The following DMD variants were observed in gnomAD, a reference collection of about 807,000 sequenced individuals.
DMD encodes mutant dystrophin.
A neutral mutation model predicts 330.1 loss-of-function variants in DMD; 63 were observed. The ratio of observed to expected loss-of-function variants is 0.19; its 90% CI spans 0.16 to 0.24. DMD has a LOEUF of 0.24. Among genes scored for constraint, DMD ranks in the 10% least tolerant of loss-of-function variants. DMD has a pLI of 1.00. For synonymous variants in DMD, 1,223 were observed against 959.8 expected (o/e 1.27, Z -5.07); for missense variants, 3,344 against 2,684.1 (o/e 1.25, Z -5.43).
chrX:32,489,456 A>T (rs2042787547), intron 20 of DMD, among the ~76,000 whole-genome samples: 1 of 111,165 alleles, frequency 9.0e-6, no homozygotes, highest in Non-Finnish European at 1.9e-5. Context: ...ATGTATACAC[A>T]CAGAGGAAAG....
rs1167928722 is a variant in DMD at position 31,833,342 on chromosome X, G to GAAA, written c.7200+3375_7200+3376insTTT. 5.9e-4 allele frequency among the ~76,000 whole-genome samples: 22 copies of GAAA among 37,303 alleles called. 1 individual carries two copies. Among genetic ancestry groups the GAAA allele is most frequent in the African/African-American group, 2.5e-3 (20 of 8,100 alleles). 32.4% of individuals were successfully genotyped at this position (37,303 alleles called of 115,157 possible). ...GGAGAGAGGGAGAGAGGGAGAGAGT[G>GAAA]GAGAGGGAGGGAGGGAAAGAGAGAG... On this transcript the variant is annotated intron_variant, in intron 49 of 78. Coordinates refer to ENST00000357033, the MANE Select transcript of DMD (RefSeq NM_004006.3).
At chrX:32,893,302 A>C (rs756582592) in intron 2 of DMD, among the ~76,000 whole-genome samples, 2 of 111,861 alleles carry the variant, frequency 1.8e-5, no homozygotes, top group Non-Finnish European at 3.8e-5. Context: ...TCTCTGTTCA[A>C]TGTAACACAA....
rs149516569 is a variant in DMD, at chrX:32,557,835, T to G, written c.1992+7867A>C. Among the ~76,000 whole-genome samples, 845 of 110,853 alleles carry G rather than the reference T, an allele frequency of 7.6e-3. 18 individuals carry two copies. The highest frequency in any genetic ancestry group is 0.064 in the Admixed American group (661 of 10,293). On this transcript the variant is annotated intron_variant, in intron 16 of 78. Transcript: ENST00000357033. ...TTTATCTTATGAAGTATAGAGGACTTCCCATAGCTGAATGTAGCATACAAT... is the reference window on the plus strand; with the variant it reads ...TTTATCTTATGAAGTATAGAGGACTGCCCATAGCTGAATGTAGCATACAAT...
At position 32,547,705 on chromosome X, in the gene DMD, A is replaced by G. The variant is rs183113416; in HGVS notation, c.1993-2371T>C. On this transcript the variant is annotated intron_variant, in intron 16 of 78. Transcript: ENST00000357033. Reference sequence around the variant, plus strand: ...TGACACTTAATTATGTGTTAGAATCATTAGGAAATATAGACAGGAGAGGGA... The same window carrying G: ...TGACACTTAATTATGTGTTAGAATCGTTAGGAAATATAGACAGGAGAGGGA... 2.2e-4 allele frequency among the ~76,000 whole-genome samples: 25 copies of G among 111,271 alleles called. No homozygotes were observed. In the East Asian group the frequency reaches 7.1e-3, roughly 32 times the overall value.
intron 63 of DMD, among the ~76,000 whole-genome samples, chrX:31,239,727 G>C (rs2048065082): frequency 1.8e-5 from 2 of 112,027 alleles, no homozygotes; most frequent in East Asian, 5.5e-4. Flanking sequence ...CCTGTTAAGA[G>C]TGGTTTCTAG....
At chrX:31,599,103 C>T (rs2077234278) in intron 55 of DMD, among the ~76,000 whole-genome samples, 1 of 111,680 alleles carries the variant, frequency 9.0e-6, no homozygotes, top group South Asian at 3.7e-4. Context: ...ATTAAGAAGG[C>T]TGAATGGTAA....
chrX:31,504,600 G>A, intron 56 of DMD, among the ~76,000 whole-genome samples: 2 of 111,305 alleles, frequency 1.8e-5, no homozygotes, highest in East Asian at 2.8e-4. Flanking sequence ...CATAATGCAG[G>A]TTTATCAGTG....
At chrX:33,014,813 T>C (rs2093768849) in intron 2 of DMD, among the ~76,000 whole-genome samples, 1 of 106,548 alleles carries the variant, frequency 9.4e-6, no homozygotes, top group Non-Finnish European at 1.9e-5. Context: ...AAAATGGGAA[T>C]ATTTTGTGTT....
chrX:32,080,191 G>A (rs187925741), intron 44 of DMD, among the ~76,000 whole-genome samples: 17 of 112,300 alleles, frequency 1.5e-4, no homozygotes, highest in Admixed American at 7.6e-4. Context: ...GTAATGCCAA[G>A]TATGACTTGT....
chrX:33,079,342 G>A (rs1467145500), intron 1 of DMD, among the ~76,000 whole-genome samples: 1 of 111,711 alleles, frequency 9.0e-6, no homozygotes, highest in Non-Finnish European at 1.9e-5. Flanking sequence ...GGACAAAAAT[G>A]AGACAACAAT....
intron 44 of DMD, among the ~76,000 whole-genome samples, chrX:31,982,915 T>G (rs1346172618): frequency 1.1e-5 from 1 of 89,495 alleles, no homozygotes; most frequent in African/African-American, 3.5e-5. Flanking sequence ...TAACATTTTA[T>G]TCTTTCTCAA....
chrX:31,260,830 A>T, intron 63 of DMD, 125 bp downstream of exon 63: 1 of 600,827 alleles, frequency 1.7e-6, no homozygotes, highest in Non-Finnish European at 2.6e-6. Flanking sequence ...GGAAGGTGCC[A>T]CTGCTTTCAC....
intron 7 of DMD, among the ~76,000 whole-genome samples, chrX:32,724,230 A>G (rs892075658): frequency 9.0e-6 from 1 of 111,705 alleles, no homozygotes; most frequent in Non-Finnish European, 1.9e-5. Context: ...AATAAACTCT[A>G]AATTAAATCA....
intron 67 of DMD, among the ~76,000 whole-genome samples, chrX:31,202,143 G>A (rs769071003): frequency 9.0e-6 from 1 of 111,452 alleles, no homozygotes; most frequent in African/African-American, 3.3e-5. Flanking sequence ...CCGAGATCGC[G>A]CCATTGCACT....
chrX:33,285,309 T>TTGTGTG (rs35975571), intron 1 of DMD, among the ~76,000 whole-genome samples: 251 of 106,770 alleles, frequency 2.4e-3, no homozygotes, highest in African/African-American at 8.4e-3. Flanking sequence ...ACGAATTCAT[T>TTGTGTG]TGTGTGTGTG....
At chrX:32,807,130 A>T (rs2077005302) in intron 7 of DMD, among the ~76,000 whole-genome samples, 1 of 102,566 alleles carries the variant, frequency 9.7e-6, no homozygotes, top group African/African-American at 3.6e-5. Flanking sequence ...TTTAAAAAAA[A>T]AAAAAAAAAA....
chrX:31,353,147 A>G (rs1186941863), intron 60 of DMD, among the ~76,000 whole-genome samples: 1 of 110,671 alleles, frequency 9.0e-6, no homozygotes, highest in African/African-American at 3.3e-5. Context: ...TTTGGAGGTA[A>G]GAAGTAGTGA....
At chrX:32,854,855 C>A (rs1005700969) in intron 2 of DMD, among the ~76,000 whole-genome samples, 7 of 111,580 alleles carry the variant, frequency 6.3e-5, no homozygotes, top group African/African-American at 2.3e-4. Context: ...TAGCCTGACA[C>A]GAAAACCAGA....
chrX:32,068,380 T>TTC (rs2096274460), intron 44 of DMD, among the ~76,000 whole-genome samples: 1 of 86,648 alleles, frequency 1.2e-5, no homozygotes, highest in African/African-American at 5.6e-5. Context: ...TGTCATTTTT[T>TTC]TTTTTTTTTT....
Sources: allele counts gnomAD v4.1 joint callset (sites outside exome capture counted in the v4.1 genomes callset), GRCh38; gene constraint gnomAD v4.1.1; transcripts MANE v1.5; gene names NCBI Gene and HGNC (gene_info 2026-07-23, HGNC 2026-07-21).